PACSIN2: variants seen among roughly 807,000 people sequenced by gnomAD.
The protein encoded by PACSIN2 is protein kinase C and casein kinase substrate in neurons 2.
PACSIN2 carries 25 observed loss-of-function variants against 63.8 expected under a neutral mutation model. The ratio of observed to expected loss-of-function variants is 0.39; its 90% CI spans 0.29 to 0.55. The LOEUF (loss-of-function observed/expected upper bound fraction) is 0.55. PACSIN2 is among the 20% of genes least tolerant of loss of function. The pLI, the probability that PACSIN2 is intolerant of heterozygous loss-of-function variation, is 0.62. For missense variants in PACSIN2, 518 were observed against 646.9 expected (o/e 0.80, Z 2.16); for synonymous variants, 255 against 256.2 (o/e 1.00, Z 0.05).
chr22:42,993,472 C>G (rs1923188649), intron 1 of PACSIN2: 1 of 152,340 alleles, frequency 6.6e-6, no homozygotes, highest in East Asian at 1.9e-4. Flanking sequence ...AGACTGCTTA[C>G]TTCTTATTTT....
chr22:42,910,545 C>G (rs1931382198), intron 2 of PACSIN2, among the ~76,000 whole-genome samples: 1 of 152,220 alleles, frequency 6.6e-6, no homozygotes, highest in African/African-American at 2.4e-5. Flanking sequence ...ATTCCAGGGG[C>G]ACCTCCAAAC....
chr22:42,925,246 G>A (rs1192514837), intron 1 of PACSIN2, among the ~76,000 whole-genome samples: 2 of 152,020 alleles, frequency 1.3e-5, no homozygotes, highest in African/African-American at 2.4e-5. Context: ...TTGGGCGGCC[G>A]AGGCTGGCGG....
At chr22:42,920,959 T>C (rs1262032944) in intron 1 of PACSIN2, among the ~76,000 whole-genome samples, 1 of 151,942 alleles carries the variant, frequency 6.6e-6, no homozygotes, top group Non-Finnish European at 1.5e-5. Flanking sequence ...TGCGCCCAGC[T>C]AATTTTTGTA....
intron 1 of PACSIN2, among the ~76,000 whole-genome samples, chr22:42,928,069 A>G (rs1025528031): frequency 2.0e-5 from 3 of 152,188 alleles, no homozygotes; most frequent in Non-Finnish European, 4.4e-5. Flanking sequence ...TGGCTCACAC[A>G]TTCCAAAGAG....
At chr22:43,001,972 A>T (rs932187367) in intron 1 of PACSIN2, among the ~76,000 whole-genome samples, 4 of 152,178 alleles carry the variant, frequency 2.6e-5, no homozygotes, top group African/African-American at 7.2e-5. Flanking sequence ...TCAGTCTGAG[A>T]GTGAATACCT....
At chr22:42,909,569 G>A (rs1050230096) in intron 2 of PACSIN2, 8 of 471,064 alleles carry the variant, frequency 1.7e-5, no homozygotes, top group Non-Finnish European at 3.5e-5. Context: ...ATACCAGCTG[G>A]AGAGTAATTT....
chr22:43,012,251 A>G (rs5751412), intron 1 of PACSIN2, among the ~76,000 whole-genome samples: 90,776 of 148,212 alleles, frequency 0.61, 28,524 homozygotes, highest in East Asian at 0.81. Flanking sequence ...TGTAATCCCA[A>G]CTACTGAGGA....
chr22:42,984,967 A>G (rs921640028), intron 1 of PACSIN2, among the ~76,000 whole-genome samples: 1 of 152,140 alleles, frequency 6.6e-6, no homozygotes, highest in African/African-American at 2.4e-5. Context: ...ATATATGTGG[A>G]TTTGCTTGTT....
intron 1 of PACSIN2, among the ~76,000 whole-genome samples, chr22:43,013,209 T>C (rs572807654): frequency 1.3e-5 from 2 of 152,384 alleles, no homozygotes; most frequent in South Asian, 2.1e-4. Context: ...TGAGTTGTTA[T>C]TCTTCTCCCA....
At chr22:42,962,016 C>T (rs973921028) in intron 1 of PACSIN2, among the ~76,000 whole-genome samples, 3 of 152,120 alleles carry the variant, frequency 2.0e-5, no homozygotes, top group Non-Finnish European at 4.4e-5. Flanking sequence ...CAGAGTGCCA[C>T]GCCCGCCACA....
chr22:42,923,079 G>A (rs992684216), intron 1 of PACSIN2, among the ~76,000 whole-genome samples: 2 of 152,194 alleles, frequency 1.3e-5, no homozygotes, highest in African/African-American at 4.8e-5. Flanking sequence ...CTTCTGTGGG[G>A]CAGGGTGCAC....
chr22:42,898,676 C>A (rs1330831364), intron 2 of PACSIN2, among the ~76,000 whole-genome samples: 1 of 152,148 alleles, frequency 6.6e-6, no homozygotes, highest in Non-Finnish European at 1.5e-5. Flanking sequence ...AGGGAATCCA[C>A]TCCCTTCCCC....
At chr22:42,951,721 C>T (rs1933701229) in intron 1 of PACSIN2, among the ~76,000 whole-genome samples, 1 of 152,254 alleles carries the variant, frequency 6.6e-6, no homozygotes, top group Non-Finnish European at 1.5e-5. Context: ...CTCAGTTACC[C>T]TGGTTCAATC....
intron 4 of PACSIN2, among the ~76,000 whole-genome samples, chr22:42,889,133 G>A (rs546657625): frequency 6.6e-6 from 1 of 152,030 alleles, no homozygotes; most frequent in South Asian, 2.1e-4. Flanking sequence ...GTGTAGGGGA[G>A]GACAACTGAG....
intron 7 of PACSIN2, among the ~76,000 whole-genome samples, chr22:42,879,845 C>T (rs762792762): frequency 2.0e-5 from 3 of 152,210 alleles, no homozygotes; most frequent in African/African-American, 4.8e-5. Context: ...GTCTCCAAAG[C>T]GCAGGGCCCT....
At chr22:42,922,475 C>A (rs977361016) in intron 1 of PACSIN2, among the ~76,000 whole-genome samples, 2 of 152,214 alleles carry the variant, frequency 1.3e-5, no homozygotes, top group Admixed American at 1.3e-4. Flanking sequence ...CCCGATACCC[C>A]GCTCTAATCC....
chr22:42,939,211 A>G lies in PACSIN2; in HGVS notation c.-77-27054T>C, dbSNP rs550715927. Among the ~76,000 whole-genome samples, 9 of 152,328 alleles carry G rather than the reference A, an allele frequency of 5.9e-5. No homozygotes were observed. In the South Asian group the frequency reaches 1.9e-3, roughly 32 times the overall value. On this transcript the variant is annotated intron_variant, in intron 1 of 10. Transcript: ENST00000263246. ...GCAATGGGAACACATCAGCTGACAG[A>G]TCCAGACTTGCCTTGGACTGATTTT... is the stretch of plus-strand genomic sequence containing the variant.
At chr22:42,886,451 G>GGTAT (rs138304512) in intron 5 of PACSIN2, among the ~76,000 whole-genome samples, 20 of 148,056 alleles carry the variant, frequency 1.4e-4, no homozygotes, top group African/African-American at 3.5e-4. Context: ...TAGGTAGGTA[G>GGTAT]GTATGTATGT....
intron 1 of PACSIN2, among the ~76,000 whole-genome samples, chr22:42,919,248 C>T (rs1400492743): frequency 6.6e-6 from 1 of 152,092 alleles, no homozygotes; most frequent in Non-Finnish European, 1.5e-5. Flanking sequence ...GCTATTTGTC[C>T]CCTCTGAGAG....
Sources: allele counts gnomAD v4.1 joint callset (sites outside exome capture counted in the v4.1 genomes callset), GRCh38; gene constraint gnomAD v4.1.1; transcripts MANE v1.5; gene names NCBI Gene and HGNC (gene_info 2026-07-23, HGNC 2026-07-21).